CSMD1: variants seen among roughly 807,000 people sequenced by gnomAD.
CSMD1 encodes the protein CUB and Sushi multiple domains 1.
A neutral mutation model predicts 417.5 loss-of-function variants in CSMD1; 213 were observed. The observed-to-expected ratio is 0.51, with a 90% CI of 0.46 to 0.57. CSMD1 has a LOEUF of 0.57. Ranked by LOEUF, CSMD1 falls within the 20% of genes least tolerant of loss-of-function variation. The pLI is 0.00. For synonymous variants in CSMD1, 2,862 were observed against 1,736.8 expected (o/e 1.65, Z -16.11); for missense variants, 6,923 against 4,529.7 (o/e 1.53, Z -15.17).
chr8:3,747,769 G>C (rs1456764457), intron 6 of CSMD1, among the ~76,000 whole-genome samples: 1 of 151,978 alleles, frequency 6.6e-6, no homozygotes, highest in African/African-American at 2.4e-5. Context: ...TATCAATTCA[G>C]ATTTCCACCA....
At chr8:4,700,369 T>A (rs1355570867) in intron 1 of CSMD1, among the ~76,000 whole-genome samples, 1 of 152,032 alleles carries the variant, frequency 6.6e-6, no homozygotes, top group Non-Finnish European at 1.5e-5. Flanking sequence ...ATATTATTTG[T>A]TATCAACCTG....
chr8:4,086,293 A>G (rs935200550), intron 3 of CSMD1, among the ~76,000 whole-genome samples: 3 of 152,218 alleles, frequency 2.0e-5, no homozygotes. Flanking sequence ...CGAGGCCACA[A>G]AAACAGTCAT....
At chr8:3,972,260 G>C (rs530021677) in intron 5 of CSMD1, among the ~76,000 whole-genome samples, 2 of 152,182 alleles carry the variant, frequency 1.3e-5, no homozygotes, top group South Asian at 4.1e-4. Flanking sequence ...TATTGACCTT[G>C]TGTTCATTTT....
intron 10 of CSMD1, among the ~76,000 whole-genome samples, chr8:3,545,281 C>T (rs534169300): frequency 2.6e-5 from 4 of 152,280 alleles, no homozygotes; most frequent in African/African-American, 9.6e-5. Flanking sequence ...ACATGGTCTT[C>T]ATGATTTTCA....
intron 6 of CSMD1, among the ~76,000 whole-genome samples, chr8:3,709,760 C>G (rs186958059): frequency 2.2e-5 from 3 of 137,316 alleles, no homozygotes; most frequent in African/African-American, 8.2e-5. Flanking sequence ...TTCCTGGTCT[C>G]CAACTTGCTG....
chr8:4,666,996 G>A (rs546141751), intron 1 of CSMD1, among the ~76,000 whole-genome samples: 69 of 152,154 alleles, frequency 4.5e-4, no homozygotes, highest in African/African-American at 1.6e-3. Context: ...ATATATGTAA[G>A]AATATCAATC....
intron 5 of CSMD1, among the ~76,000 whole-genome samples, chr8:3,831,036 C>G (rs1156270190): frequency 8.5e-5 from 13 of 152,164 alleles, no homozygotes; most frequent in East Asian, 3.9e-4. Flanking sequence ...CAGCTTAATG[C>G]GCGAACAGGG....
At chr8:2,993,109 C>G (rs569838060) in intron 54 of CSMD1, among the ~76,000 whole-genome samples, 2 of 152,298 alleles carry the variant, frequency 1.3e-5, no homozygotes, top group South Asian at 4.1e-4. Flanking sequence ...TCATCCAGTA[C>G]TTGTGAATCC....
intron 25 of CSMD1, among the ~76,000 whole-genome samples, chr8:3,298,283 G>A (rs1323568915): frequency 6.6e-6 from 1 of 152,142 alleles, no homozygotes; most frequent in African/African-American, 2.4e-5. Flanking sequence ...ACATGTCAAA[G>A]CATATTAAAA....
At chr8:3,927,742 C>T (rs1435454282) in intron 5 of CSMD1, among the ~76,000 whole-genome samples, 1 of 152,010 alleles carries the variant, frequency 6.6e-6, no homozygotes, top group African/African-American at 2.4e-5. Flanking sequence ...AAAGAAGATG[C>T]TAATTTGATT....
At chr8:3,619,229 C>A (rs887918932) in intron 7 of CSMD1, among the ~76,000 whole-genome samples, 5 of 152,112 alleles carry the variant, frequency 3.3e-5, no homozygotes, top group African/African-American at 1.2e-4. Flanking sequence ...ACACACAAAC[C>A]CAGACAGGAC....
intron 3 of CSMD1, among the ~76,000 whole-genome samples, chr8:4,312,530 G>C (rs1424175461): frequency 2.0e-5 from 3 of 150,706 alleles, no homozygotes; most frequent in South Asian, 2.1e-4. Flanking sequence ...TACTTATTGA[G>C]AATGATGAAA....
At chr8:4,708,642 T>A (rs1808097200) in intron 1 of CSMD1, among the ~76,000 whole-genome samples, 1 of 152,054 alleles carries the variant, frequency 6.6e-6, no homozygotes. Flanking sequence ...GTGTTTTCTG[T>A]CATCATTATA....
intron 3 of CSMD1, among the ~76,000 whole-genome samples, chr8:4,098,705 T>C (rs1057431849): frequency 6.6e-6 from 1 of 152,222 alleles, no homozygotes; most frequent in Non-Finnish European, 1.5e-5. Flanking sequence ...CTGTAGCACC[T>C]ACTCTAGGTT....
At chr8:3,015,409 T>C (rs1403229872) in intron 52 of CSMD1, among the ~76,000 whole-genome samples, 1 of 152,138 alleles carries the variant, frequency 6.6e-6, no homozygotes, top group Non-Finnish European at 1.5e-5. Flanking sequence ...TTTAAAGTCA[T>C]AGTTTTGGGG....
chr8:3,962,912 T>A (rs1170035712), intron 5 of CSMD1, among the ~76,000 whole-genome samples: 2 of 152,202 alleles, frequency 1.3e-5, no homozygotes, highest in Non-Finnish European at 2.9e-5. Context: ...TGTCTATTTT[T>A]TCCACAAAAC....
At chr8:3,841,447 C>G (rs950164825) in intron 5 of CSMD1, among the ~76,000 whole-genome samples, 4 of 152,140 alleles carry the variant, frequency 2.6e-5, no homozygotes, top group Non-Finnish European at 5.9e-5. Flanking sequence ...CTTTGACATT[C>G]TTTCACTTGC....
intron 51 of CSMD1, among the ~76,000 whole-genome samples, chr8:3,021,650 CTCCGGAATGCACCTGCAATCCCACAGCG>C (rs1809405698): frequency 1.3e-4 from 20 of 150,896 alleles, no homozygotes; most frequent in African/African-American, 4.1e-4. Flanking sequence ...ATCCCAAAGC[CTCCGGAATGCACCTGCAATCCCACAGCG>C]TCCGGAATGC....
At chr8:3,931,778 A>T (rs777088563) in intron 5 of CSMD1, among the ~76,000 whole-genome samples, 2 of 148,438 alleles carry the variant, frequency 1.3e-5, no homozygotes, top group Non-Finnish European at 3.0e-5. Flanking sequence ...AGCACCTAAG[A>T]CCCCACTAAG....
Sources: gnomAD v4.1 joint callset for allele counts (sites outside exome capture counted in the v4.1 genomes callset) on GRCh38, gnomAD v4.1.1 for gene constraint, MANE v1.5 for transcripts, NCBI Gene and HGNC (gene_info 2026-07-23, HGNC 2026-07-21) for gene names.